The following EXOSC2 variants were observed in gnomAD, a reference collection of about 807,000 sequenced individuals.
The protein encoded by EXOSC2 is exosome component 2.
A neutral mutation model predicts 37.6 loss-of-function variants in EXOSC2; 29 were observed. The observed-to-expected ratio is 0.77, with a 90% CI of 0.57 to 1.05. The LOEUF is 1.05. Ranked by LOEUF, EXOSC2 falls within the 50% of genes least tolerant of loss-of-function variation. The pLI is 0.00. For synonymous variants in EXOSC2, 119 were observed against 131.1 expected (o/e 0.91, Z 0.63); for missense variants, 346 against 365.6 (o/e 0.95, Z 0.44).
At chr9:130,701,566 C>T (rs1831216102) in intron 6 of EXOSC2, 2 of 985,602 alleles carry the variant, frequency 2.0e-6, no homozygotes, top group Non-Finnish European at 2.4e-6. Flanking sequence ...CAGACAGCCA[C>T]GTTGATGTAC....
Position 130,698,169 on chromosome 9 carries a change from A to G in EXOSC2, c.278A>G (p.Gln93Arg). ...IVVGRITEVQ[Q>R]KRWKVETNSR... Reference sequence around the variant, plus strand: ...GTGGAACTTGGCTTATAGGTTCAACAGAAGAGGTGGAAGGTGGAGACCAAC... The same window carrying G: ...GTGGAACTTGGCTTATAGGTTCAACGGAAGAGGTGGAAGGTGGAGACCAAC... The change falls in exon 4 of 9, where the codon CAG becomes CGG. Residue 93 changes from glutamine (Q) to arginine (R), a missense_variant. Physicochemically the swap from Gln to Arg is conservative, Grantham distance 43. Transcript: ENST00000372358. The surrounding 1 kb of genome is among the most constrained non-coding windows in gnomAD (Gnocchi z 4.1). The G allele has an allele frequency of 6.2e-7, 1 of 1,614,106 alleles. No homozygotes were observed. Among genetic ancestry groups the G allele is most frequent in the Non-Finnish European group, 8.5e-7 (1 of 1,179,984 alleles).
intron 3 of EXOSC2, 150 bp downstream of exon 3, chr9:130,697,777 G>A (rs12353537): frequency 0.013 from 9,294 of 717,054 alleles, 146 homozygotes; most frequent in African/African-American, 0.052. Flanking sequence ...TGGCTTGTTC[G>A]ATTTCAGATT....
intron 2 of EXOSC2, 110 bp downstream of exon 2, chr9:130,695,703 G>A (rs1236444293): frequency 1.1e-6 from 1 of 885,044 alleles, no homozygotes. Flanking sequence ...CTGTCATGCT[G>A]TAAGTCTGAG....
chr9:130,704,838 G>T lies in EXOSC2; in HGVS notation c.*1064G>T, dbSNP rs1315326681. The stretch of plus-strand genomic sequence containing the variant: ...ATGATTCAGAGTTAAAAGATAAAAA[G>T]ACGCCAGAGTTCTCGCTGAAGAATG... On this transcript the variant is annotated 3_prime_UTR_variant, in exon 9 of 9. Coordinates refer to ENST00000372358, the MANE Select transcript of EXOSC2 (RefSeq NM_014285.7). The T allele has an allele frequency of 6.6e-6, 1 of 152,144 alleles. No homozygotes were observed. Among genetic ancestry groups the T allele is most frequent in the Non-Finnish European group, 1.5e-5 (1 of 68,028 alleles). The allele number at this position is 152,144 out of a possible 1,614,324, so 9.4% of individuals were successfully genotyped here.
At chr9:130,696,906 T>C (rs1434500128) in intron 2 of EXOSC2, among the ~76,000 whole-genome samples, 1 of 152,070 alleles carries the variant, frequency 6.6e-6, no homozygotes, top group African/African-American at 2.4e-5. Flanking sequence ...CGGTTTGCTA[T>C]GGAGGACTGG....
At chr9:130,699,436 TG>T in intron 5 of EXOSC2, 42 bp downstream of exon 5, 1 of 1,582,476 alleles carries the variant, frequency 6.3e-7, no homozygotes, top group South Asian at 1.1e-5. Context: ...TGCTTTTCTG[TG>T]GGACTGGGAA....
At position 130,704,611 on chromosome 9, in the gene EXOSC2, T is replaced by A. The variant is rs928059464; in HGVS notation, c.*837T>A. The A allele has an allele frequency of 6.6e-6, 1 of 152,116 alleles. No homozygotes were observed. Among genetic ancestry groups the A allele is most frequent in the African/African-American group, 2.4e-5 (1 of 41,420 alleles). 9.4% of individuals were successfully genotyped at this position (152,116 alleles called of 1,614,324 possible). ...GTGTTCCTTGTAGCCATAGATGTGATTATGTCCACACCGGGCTGCCTTAAT... is the reference window on the plus strand; with the variant it reads ...GTGTTCCTTGTAGCCATAGATGTGAATATGTCCACACCGGGCTGCCTTAAT... On this transcript the variant is annotated 3_prime_UTR_variant, in exon 9 of 9. Transcript: ENST00000372358.
rs754695417 is a variant in EXOSC2 at position 130,703,739 on chromosome 9, G to C, written c.847G>C (p.Glu283Gln). 14 of 1,613,766 alleles carry C rather than the reference G, an allele frequency of 8.7e-6. No individual in the cohort carries two copies. The highest frequency in any genetic ancestry group is 1.2e-5 in the Non-Finnish European group (14 of 1,179,896). ...KPEIMEEIVM[E>Q]TRQRLLEQEG Reference sequence around the variant, plus strand: ...AGAAATAATGGAGGAGATTGTGATGGAAACACGCCAGAGGCTTTTGGAACA... The same window carrying C: ...AGAAATAATGGAGGAGATTGTGATGCAAACACGCCAGAGGCTTTTGGAACA... The change falls in exon 9 of 9, where the codon GAA (glutamate) becomes CAA (glutamine). Residue 283 changes from glutamate to glutamine, a missense_variant. Coordinates refer to ENST00000372358, the MANE Select transcript of EXOSC2 (RefSeq NM_014285.7).
chr9:130,700,841 G>GTTTGTTCC (rs1831199512), intron 5 of EXOSC2, 26 bp from the exon 6 acceptor site: 2 of 1,613,228 alleles, frequency 1.2e-6, no homozygotes, highest in Non-Finnish European at 1.7e-6. Flanking sequence ...CAAGGCTGCT[G>GTTTGTTCC]TTTGTTCCTT....
At position 130,698,754 on chromosome 9, in the gene EXOSC2, T is replaced by C. The variant is rs1831150544; in HGVS notation, c.360+503T>C. On this transcript the variant is annotated intron_variant, in intron 4 of 8. Coordinates refer to ENST00000372358, the MANE Select transcript of EXOSC2 (RefSeq NM_014285.7). This position sits in a 1 kb window ranked among gnomAD's most constrained non-coding sequence, Gnocchi z 4.1. ...AGCGTGTATTTACAGAGAGGCTTAC[T>C]GTGCCAAGCTCTGTGCCGAGTGCCA... Among the ~76,000 whole-genome samples, 1 of 152,232 alleles carries C rather than the reference T, an allele frequency of 6.6e-6. No homozygotes were observed. Among genetic ancestry groups the C allele is most frequent in the South Asian group, 2.1e-4 (1 of 4,832 alleles).
rs763315114 is a variant in EXOSC2 at position 130,702,133 on chromosome 9, G to A, written c.496-1G>A. The A allele has an allele frequency of 3.1e-6, 5 of 1,613,236 alleles. No individual in the cohort carries two copies. Among genetic ancestry groups the A allele is most frequent in the Non-Finnish European group, 3.4e-6 (4 of 1,179,776 alleles). ...CCTAGCTTCGTGATATATTTCTTTA[G>A]CTAGGTCAGGGGGTTTTGGTCCAGG... On this transcript the variant is annotated splice_acceptor_variant, in intron 6 of 8. Transcript: ENST00000372358. LOFTEE classifies it high-confidence loss of function.
rs1251604214 is a variant in EXOSC2 at position 130,704,092 on chromosome 9, ACT to A, written c.*319_*320del. Reference sequence around the variant, plus strand: ...ATGGAGAATCCTTTGTCTTCCACTCACTGTCATTCACAAGGCACAGTGCCCCA... The same window carrying A: ...ATGGAGAATCCTTTGTCTTCCACTCAGTCATTCACAAGGCACAGTGCCCCA... On this transcript the variant is annotated 3_prime_UTR_variant, in exon 9 of 9. Coordinates refer to ENST00000372358, the MANE Select transcript of EXOSC2 (RefSeq NM_014285.7). 1.5e-5 allele frequency: 3 copies of A among 197,500 alleles called. No individual in the cohort carries two copies. The highest frequency in any genetic ancestry group is 3.1e-5 in the Non-Finnish European group (3 of 97,846). 12.2% of individuals were successfully genotyped at this position (197,500 alleles called of 1,614,324 possible). A position where few individuals can be genotyped will look rare whatever the true frequency, so the allele number is the denominator to read the frequency against.
chr9:130,695,752 T>C, intron 2 of EXOSC2, 159 bp downstream of exon 2: 1 of 633,418 alleles, frequency 1.6e-6, no homozygotes, highest in South Asian at 1.9e-5. Flanking sequence ...TGCAGATCAG[T>C]GCAGGCTTCA....
Position 130,696,862 on chromosome 9 carries a change from G to T in EXOSC2, c.225-720G>T, listed in dbSNP as rs141103358. On this transcript the variant is annotated intron_variant, in intron 2 of 8. Transcript: ENST00000372358. ...GAGCAACTGAGGGGATGGAGTCACC[G>T]TTGACTGAGATGGGGACAACTCATC... Among the ~76,000 whole-genome samples the T allele has an allele frequency of 4.9e-3, 750 of 152,236 alleles. 9 individuals carry two copies. Among genetic ancestry groups the T allele is most frequent in the African/African-American group, 0.018 (740 of 41,544 alleles).
rs577831021 is a variant in EXOSC2, at chr9:130,698,141, G to C, written c.271-21G>C. On this transcript the variant is annotated intron_variant, in intron 3 of 8. Coordinates refer to ENST00000372358, the MANE Select transcript of EXOSC2 (RefSeq NM_014285.7). This position sits in a 1 kb window ranked among gnomAD's most constrained non-coding sequence, Gnocchi z 4.1. Reference sequence around the variant, plus strand: ...CACATGAACATGGAGCATGTGTCCAGGTGTGGAACTTGGCTTATAGGTTCA... The same window carrying C: ...CACATGAACATGGAGCATGTGTCCACGTGTGGAACTTGGCTTATAGGTTCA... 1 of 1,604,980 alleles carries C rather than the reference G, an allele frequency of 6.2e-7. No homozygotes were observed. Among genetic ancestry groups the C allele is most frequent in the Non-Finnish European group, 8.5e-7 (1 of 1,171,868 alleles).
intron 4 of EXOSC2, 96 bp from the exon 5 acceptor site, chr9:130,699,233 G>A: frequency 4.9e-6 from 6 of 1,235,442 alleles, no homozygotes; most frequent in Non-Finnish European, 6.0e-6. Context: ...GAATATTGTG[G>A]TTGGCCTCAA....
At chr9:130,700,482 C>T (rs1008444885) in intron 5 of EXOSC2, among the ~76,000 whole-genome samples, 29 of 151,998 alleles carry the variant, frequency 1.9e-4, no homozygotes, top group African/African-American at 6.7e-4. Flanking sequence ...GCCTCAGCCT[C>T]CTGAGTAGCT....
rs772506400 is a variant in EXOSC2 at position 130,693,855 on chromosome 9, A to G, written c.64A>G (p.Thr22Ala). 8 of 1,612,524 alleles carry G rather than the reference A, an allele frequency of 5.0e-6. No individual in the cohort carries two copies. The highest frequency in any genetic ancestry group is 6.8e-6 in the Non-Finnish European group (8 of 1,179,002). The change falls in exon 1 of 9, where the codon ACT becomes GCT. Residue 22 changes from threonine to alanine, a missense_variant. By Grantham distance (58) the Thr-to-Ala change is moderately conservative. Transcript: ENST00000372358. Reference protein sequence around the residue: ...KPLSERLGRDTKKHLVVPGDT... With the variant: ...KPLSERLGRDAKKHLVVPGDT... The stretch of plus-strand genomic sequence containing the variant: ...TCTTAGCGAGAGACTGGGCCGCGAC[A>G]CTAAGAAACATCTAGTGGTGCCGGG...
chr9:130,695,458 C>T (rs761827459), intron 1 of EXOSC2, 34 bp from the exon 2 acceptor site: 10 of 1,569,810 alleles, frequency 6.4e-6, no homozygotes, highest in South Asian at 3.3e-5. Context: ...GAGTTACCCT[C>T]GTATCCTTTC....
Sources: allele counts gnomAD v4.1 joint callset (sites outside exome capture counted in the v4.1 genomes callset), GRCh38; gene constraint gnomAD v4.1.1; non-coding constraint Gnocchi (gnomAD v3.1); transcripts MANE v1.5; gene names NCBI Gene and HGNC (gene_info 2026-07-23, HGNC 2026-07-21).